Variants in ADGRB2 observed in about 807,000 individuals in gnomAD.
ADGRB2 encodes the protein brain-specific angiogenesis inhibitor 2.
Under a neutral mutation model 178.7 loss-of-function variants are expected in ADGRB2, and 47 were observed. The ratio of observed to expected loss-of-function variants is 0.26; its 90% CI spans 0.21 to 0.34. The LOEUF is 0.34. ADGRB2 is among the 10% of genes least tolerant of loss of function. ADGRB2 has a pLI of 1.00. For synonymous variants in ADGRB2, 870 were observed against 912.4 expected, an observed-to-expected ratio of 0.95 and a Z score of 0.84; for missense variants, 1,584 against 2,180.8, an observed-to-expected ratio of 0.73 and a Z score of 5.45.
chr1:31,741,615 G>A lies in ADGRB2; in HGVS notation c.1687+9C>T. The A allele has an allele frequency of 1.9e-6, 3 of 1,613,036 alleles. No homozygotes were observed. Among genetic ancestry groups the A allele is most frequent in the Non-Finnish European group, 2.5e-6 (3 of 1,179,492 alleles). On this transcript the variant is annotated intron_variant, in intron 10 of 32. Coordinates refer to ENST00000373658, the MANE Select transcript of ADGRB2 (RefSeq NM_001364857.2). The surrounding 1 kb of genome is among the most constrained non-coding windows in gnomAD (Gnocchi z 6.5). ...GTGGTGGTGGTGGGGAAAGCCACCT[G>A]CCCCTTACCTGAGGCATTCGGGGGG...
chr1:31,741,075 T>C lies in ADGRB2; in HGVS notation c.1794+298A>G, dbSNP rs1243517547. ...GGGCTGGATGCTGGGGACACAAAAA[T>C]AAATTCAAGGAGGCCCCAGTCTAGC... On this transcript the variant is annotated intron_variant, in intron 11 of 32. Transcript: ENST00000373658. The surrounding 1 kb of genome is among the most constrained non-coding windows in gnomAD (Gnocchi z 6.5). Among the ~76,000 whole-genome samples the C allele has an allele frequency of 6.6e-6, 1 of 152,000 alleles. No homozygotes were observed. The highest frequency in any genetic ancestry group is 1.5e-5 in the Non-Finnish European group (1 of 67,994).
chr1:31,748,279 G>A (rs142146695), intron 4 of ADGRB2, among the ~76,000 whole-genome samples: 6 of 152,292 alleles, frequency 3.9e-5, no homozygotes, highest in East Asian at 1.9e-4. Context: ...TCCCTTTTCC[G>A]GCCTCCTGAG....
At position 31,756,342 on chromosome 1, in the gene ADGRB2, C is replaced by A. The variant is rs1348054473; in HGVS notation, c.495G>T (p.Glu165Asp). The change falls in exon 4 of 33, where the codon GAG becomes GAT. Residue 165 changes from glutamate to aspartate, a missense_variant. This residue lies in a region of ADGRB2 where 657 missense variants were observed against 847.6 expected (regional missense o/e 0.78). Transcript: ENST00000373658. The surrounding 1 kb of genome is among the most constrained non-coding windows in gnomAD (Gnocchi z 8.5). ...CCAGCAGGCGCGGGGCCTCGGAGGGCTCAGCCGACAGGCACAGCTGCACGA... is the reference window on the plus strand; with the variant it reads ...CCAGCAGGCGCGGGGCCTCGGAGGGATCAGCCGACAGGCACAGCTGCACGA... ...KNFVQLCLSA[E>D]PSEAPRLLAP... 1 of 1,612,914 alleles carries A rather than the reference C, an allele frequency of 6.2e-7. No individual in the cohort carries two copies. The highest frequency in any genetic ancestry group is 8.5e-7 in the Non-Finnish European group (1 of 1,179,946).
At position 31,735,611 on chromosome 1, in the gene ADGRB2, T is replaced by C; in HGVS notation, c.3322A>G (p.Ile1108Val). ...VFNKLMARDGISDKSKKQRAG... is the reference protein window; with the variant it reads ...VFNKLMARDGVSDKSKKQRAG... ...CTCTGCTTCTTGGATTTGTCGGAGATGCCATCACGTGCCATGAGCTTGTTG... is the reference window on the plus strand; with the variant it reads ...CTCTGCTTCTTGGATTTGTCGGAGACGCCATCACGTGCCATGAGCTTGTTG... Residue 1108 changes from isoleucine to valine, a missense_variant, in exon 24 of 33, where the codon ATC becomes GTC. This residue lies in a region of ADGRB2 where 865 missense variants were observed against 1,192.8 expected (regional missense o/e 0.73). Coordinates refer to ENST00000373658, the MANE Select transcript of ADGRB2 (RefSeq NM_001364857.2). The surrounding 1 kb of genome is among the most constrained non-coding windows in gnomAD (Gnocchi z 6.0). 4 of 1,613,632 alleles carry C rather than the reference T, an allele frequency of 2.5e-6. No individual in the cohort carries two copies. Among genetic ancestry groups the C allele is most frequent in the South Asian group, 1.1e-5 (1 of 90,988 alleles).
chr1:31,728,945 C>T lies in ADGRB2; in HGVS notation c.4381-312G>A, dbSNP rs1645140240. On this transcript the variant is annotated intron_variant, in intron 29 of 32. Coordinates refer to ENST00000373658, the MANE Select transcript of ADGRB2 (RefSeq NM_001364857.2). This position sits in a 1 kb window ranked among gnomAD's most constrained non-coding sequence, Gnocchi z 6.7. ...TCTCTGTGCCCTAGAGCCCACCCTG[C>T]ATCCTTCCCCATCTTGCCCCATTCT... 6.6e-6 allele frequency among the ~76,000 whole-genome samples: 1 copy of T among 152,140 alleles called. No individual in the cohort carries two copies. Among genetic ancestry groups the T allele is most frequent in the Admixed American group, 6.5e-5 (1 of 15,276 alleles).
In ADGRB2 at chr1:31,731,030, G is replaced by A; in HGVS notation, c.4150C>T (p.Arg1384Ter). 1 of 1,584,900 alleles carries A rather than the reference G, an allele frequency of 6.3e-7. No individual in the cohort carries two copies. Among genetic ancestry groups the A allele is most frequent in the Non-Finnish European group, 8.6e-7 (1 of 1,162,916 alleles). ...GTGTGGGCCACTGTCTTGGCAGCTC[G>A]CCGGGGGGTCCCCTCCGGCCGGGCC... Reference protein sequence around the residue: ...PRARPEGTPRRAAKTVAHTEG... With the variant: ...PRARPEGTPR Residue 1384 changes from arginine to a stop codon, truncating the protein, a stop_gained, in exon 29 of 33, where the codon CGA (arginine) becomes TGA (stop). Coordinates refer to ENST00000373658, the MANE Select transcript of ADGRB2 (RefSeq NM_001364857.2). LOFTEE classifies it high-confidence loss of function.
rs988355927 is a variant in ADGRB2 at position 31,737,325 on chromosome 1, ACAC to A, written c.2979+101_2979+103del. 16 of 1,085,370 alleles carry A rather than the reference ACAC, an allele frequency of 1.5e-5. No homozygotes were observed. The Admixed American group carries it at 3.0e-4, about 21-fold the overall frequency. The allele number at this position is 1,085,370 out of a possible 1,614,324, so 67.2% of individuals were successfully genotyped here. ...TCTAATCCCAACATGGGGCACACATACACCACCACTAATGGACGTACAAGCAAA... is the reference window on the plus strand; with the variant it reads ...TCTAATCCCAACATGGGGCACACATACACCACTAATGGACGTACAAGCAAA... On this transcript the variant is annotated intron_variant, in intron 20 of 32. Transcript: ENST00000373658.
intron 1 of ADGRB2, among the ~76,000 whole-genome samples, chr1:31,762,238 C>G (rs1450810659): frequency 1.3e-5 from 2 of 152,090 alleles, no homozygotes; most frequent in Admixed American, 1.3e-4. Context: ...GGGAAGATCT[C>G]TTCTCTCAAT....
At chr1:31,732,487 G>T (rs1262604071) in intron 27 of ADGRB2, 30 bp downstream of exon 27, 1 of 1,610,798 alleles carries the variant, frequency 6.2e-7, no homozygotes, top group Non-Finnish European at 8.5e-7. Context: ...CCCAGAATCT[G>T]CCCAGGCCCT....
chr1:31,739,795 G>A (rs2148945606), intron 14 of ADGRB2, 131 bp downstream of exon 14: 1 of 1,187,172 alleles, frequency 8.4e-7, no homozygotes, highest in Admixed American at 2.2e-5. Context: ...CAGAGAAACA[G>A]ACCACACATA....
Position 31,728,613 on chromosome 1 carries a change from T to G in ADGRB2, c.4401A>C (p.Ser1467=). ...TGGCCCTTACCTCAAAGTCCAGGTC[T>G]GAATACCGTAATTTCTTTCGCTGGG... The part of the protein sequence containing the change: ...GSLERKKLRY[S]DLDFEKVMHT... Residue 1467 remains serine, a synonymous_variant, in exon 30 of 33, where the codon TCA becomes TCC. Transcript: ENST00000373658. The surrounding 1 kb of genome is among the most constrained non-coding windows in gnomAD (Gnocchi z 6.7). 1 of 1,614,056 alleles carries G rather than the reference T, an allele frequency of 6.2e-7. No individual in the cohort carries two copies. The highest frequency in any genetic ancestry group is 8.5e-7 in the Non-Finnish European group (1 of 1,179,984).
At chr1:31,734,766 G>C (rs545484424) in intron 25 of ADGRB2, among the ~76,000 whole-genome samples, 2 of 152,216 alleles carry the variant, frequency 1.3e-5, no homozygotes, top group Non-Finnish European at 2.9e-5. Context: ...CAGATGATAA[G>C]ACTGGATGAT....
In ADGRB2 at chr1:31,759,779, C is replaced by T. The variant is rs1451241048; in HGVS notation, c.-190-2268G>A. ...CCTGTGTATAGCCAGGCCTGTCCTC[C>T]TGGGGGCACTGATGACCCAGAGGCC... On this transcript the variant is annotated intron_variant, in intron 1 of 32. Transcript: ENST00000373658. The surrounding 1 kb of genome is among the most constrained non-coding windows in gnomAD (Gnocchi z 4.3). 6.6e-6 allele frequency among the ~76,000 whole-genome samples: 1 copy of T among 152,190 alleles called. No individual in the cohort carries two copies. The highest frequency in any genetic ancestry group is 1.9e-4 in the East Asian group (1 of 5,188).
rs770745219 is a variant in ADGRB2, at chr1:31,732,576, G to A, written c.3661C>T (p.Arg1221Trp). 22 of 1,613,988 alleles carry A rather than the reference G, an allele frequency of 1.4e-5. No homozygotes were observed. Among genetic ancestry groups the A allele is most frequent in the Admixed American group, 6.7e-5 (4 of 60,000 alleles). ...DVVKCQMGVC[R>W]ADESEDSPDS... ...GGGGAGTCTTCGCTCTCATCAGCCC[G>A]GCACACCCCCATCTGGCACTTCACC... Residue 1221 changes from arginine (R) to tryptophan (W), a missense_variant, in exon 27 of 33, where the codon CGG becomes TGG. Around this residue, in one of 3 missense-constraint regions of ADGRB2, gnomAD observed 865 missense variants for 1,192.8 expected, o/e 0.73. Coordinates refer to ENST00000373658, the MANE Select transcript of ADGRB2 (RefSeq NM_001364857.2).
Position 31,741,590 on chromosome 1 carries a change from G to A in ADGRB2, c.1687+34C>T, listed in dbSNP as rs766915609. The A allele has an allele frequency of 1.3e-6, 2 of 1,596,736 alleles. No individual in the cohort carries two copies. Among genetic ancestry groups the A allele is most frequent in the East Asian group, 4.5e-5 (2 of 44,722 alleles). ...GAAGGGGGCAATGAGAATGGCAGGG[G>A]TGGTGGTGGTGGGGAAAGCCACCTG... On this transcript the variant is annotated intron_variant, in intron 10 of 32. Transcript: ENST00000373658. This position sits in a 1 kb window ranked among gnomAD's most constrained non-coding sequence, Gnocchi z 6.5.
intron 4 of ADGRB2, among the ~76,000 whole-genome samples, chr1:31,747,529 C>T (rs1646340044): frequency 6.6e-6 from 1 of 152,132 alleles, no homozygotes; most frequent in Admixed American, 6.5e-5. Flanking sequence ...AATGACCTCT[C>T]ATCTATGGAA....
At chr1:31,739,159 A>C (rs1645796167) in intron 15 of ADGRB2, 149 bp downstream of exon 15, 1 of 969,354 alleles carries the variant, frequency 1.0e-6, no homozygotes, top group Non-Finnish European at 1.5e-6. Context: ...AAATTTGAGA[A>C]GCATGTGTCC....
At chr1:31,745,432 G>T (rs1328549776) in intron 4 of ADGRB2, among the ~76,000 whole-genome samples, 1 of 152,162 alleles carries the variant, frequency 6.6e-6, no homozygotes, top group Non-Finnish European at 1.5e-5. Flanking sequence ...AGGCTACCTT[G>T]ACCCTGGCCC....
At position 31,757,531 on chromosome 1, in the gene ADGRB2, G is replaced by C; in HGVS notation, c.-190-20C>G. ...GATTTCCTGGTTGGAATAAGGGGGA[G>C]AGGCACCGAGTAAGGGGACATTGGG... On this transcript the variant is annotated intron_variant, in intron 1 of 32. Transcript: ENST00000373658. 2.6e-6 allele frequency: 1 copy of C among 391,858 alleles called. No individual in the cohort carries two copies. Among genetic ancestry groups the C allele is most frequent in the Non-Finnish European group, 4.7e-6 (1 of 213,684 alleles). 24.3% of individuals were successfully genotyped at this position (391,858 alleles called of 1,614,324 possible). A position where few individuals can be genotyped will look rare whatever the true frequency, so the allele number is the denominator to read the frequency against.
Sources: allele counts gnomAD v4.1 joint callset (sites outside exome capture counted in the v4.1 genomes callset), GRCh38; gene constraint gnomAD v4.1.1; regional missense constraint gnomAD v4.1.1; non-coding constraint Gnocchi (gnomAD v3.1); transcripts MANE v1.5; gene names NCBI Gene and HGNC (gene_info 2026-07-23, HGNC 2026-07-21).